The following MAP2K4 variants were observed in gnomAD, a reference collection of about 807,000 sequenced individuals.
The protein encoded by MAP2K4 is dual specificity mitogen-activated protein kinase kinase 4.
Under a neutral mutation model 48.5 loss-of-function variants are expected in MAP2K4, and 4 were observed. The ratio of observed to expected loss-of-function variants is 0.08; its 90% CI spans 0.04 to 0.19. The LOEUF (loss-of-function observed/expected upper bound fraction) is 0.19, where lower values mean the gene tolerates loss of function less well. MAP2K4 is among the 10% of genes least tolerant of loss of function. The probability of loss-of-function intolerance (pLI) is 1.00; values close to 1 mark genes in which losing one functional copy is unlikely to be tolerated. For synonymous variants in MAP2K4, 166 were observed against 173.1 expected (o/e 0.96, Z 0.32); for missense variants, 258 against 493.3 (o/e 0.52, Z 4.52).
intron 1 of MAP2K4, chr17:12,032,286 GA>G: frequency 2.8e-6 from 4 of 1,404,804 alleles, no homozygotes; most frequent in Non-Finnish European, 2.8e-6. Context: ...AAACTTCTGT[GA>G]AAAGGCACAA....
intron 1 of MAP2K4, among the ~76,000 whole-genome samples, chr17:12,025,726 G>A (rs751664930): frequency 2.1e-4 from 32 of 152,018 alleles, no homozygotes; most frequent in Non-Finnish European, 4.1e-4. Flanking sequence ...TAGAAAACAC[G>A]CCCAGTACTT....
chr17:12,095,835 T>G, intron 4 of MAP2K4, 141 bp downstream of exon 4: 7 of 1,046,464 alleles, frequency 6.7e-6, no homozygotes, highest in Non-Finnish European at 9.7e-6. Context: ...CCATGGTAAT[T>G]TACATATTAA....
Position 12,030,931 on chromosome 17 carries a change from C to G in MAP2K4, c.115+9930C>G, listed in dbSNP as rs554796215. 3.3e-5 allele frequency among the ~76,000 whole-genome samples: 5 copies of G among 152,244 alleles called. No homozygotes were observed. The South Asian group carries it at 1.0e-3, about 32-fold the overall frequency. On this transcript the variant is annotated intron_variant, in intron 1 of 10. Transcript: ENST00000353533. ...GACTTGCCTGCTACTTCCAGAGAAC[C>G]CTTTTCTTCCTGAATGTAGTCAGCT... is the stretch of plus-strand genomic sequence containing the variant.
At chr17:12,141,061 AGTTCTAT>A (rs1327591988) in intron 10 of MAP2K4, 79 bp from the exon 11 acceptor site, 5 of 783,094 alleles carry the variant, frequency 6.4e-6, no homozygotes, top group Non-Finnish European at 1.1e-5. Flanking sequence ...GGGAGCCTGG[AGTTCTAT>A]GTTCTATAGA....
chr17:12,060,731 G>A (rs1171616180), intron 2 of MAP2K4, among the ~76,000 whole-genome samples: 1 of 150,576 alleles, frequency 6.6e-6, no homozygotes, highest in Non-Finnish European at 1.5e-5. Flanking sequence ...ACTATGGGGT[G>A]TGTGTGTGTG....
At chr17:12,108,425 GGGGC>G (rs1319464451) in intron 5 of MAP2K4, among the ~76,000 whole-genome samples, 4 of 152,066 alleles carry the variant, frequency 2.6e-5, no homozygotes, top group Non-Finnish European at 5.9e-5. Context: ...AGCAGTTTCA[GGGGC>G]CAGTGTTACT....
intron 3 of MAP2K4, among the ~76,000 whole-genome samples, chr17:12,082,594 T>C (rs992409649): frequency 2.6e-5 from 4 of 152,234 alleles, no homozygotes; most frequent in African/African-American, 9.6e-5. Context: ...TAGAAGTCTG[T>C]TGTGAGCCAA....
chr17:12,084,300 A>G (rs1285106362), intron 3 of MAP2K4, among the ~76,000 whole-genome samples: 2 of 152,238 alleles, frequency 1.3e-5, no homozygotes, highest in African/African-American at 2.4e-5. Context: ...GTTTGAGGAC[A>G]GTCTCCCAAG....
At chr17:12,075,565 C>T (rs1173471935) in intron 2 of MAP2K4, among the ~76,000 whole-genome samples, 1 of 152,128 alleles carries the variant, frequency 6.6e-6, no homozygotes, top group Non-Finnish European at 1.5e-5. Flanking sequence ...CAGGAAGGCT[C>T]AGGGGCGCTA....
intron 3 of MAP2K4, among the ~76,000 whole-genome samples, chr17:12,085,473 C>T (rs558638781): frequency 1.3e-5 from 2 of 151,692 alleles, no homozygotes; most frequent in East Asian, 2.0e-4. Flanking sequence ...GTGCATAGGC[C>T]GGACTGAGTT....
At chr17:12,118,496 G>A (rs1481867858) in intron 7 of MAP2K4, among the ~76,000 whole-genome samples, 1 of 152,106 alleles carries the variant, frequency 6.6e-6, no homozygotes, top group African/African-American at 2.4e-5. Context: ...TTTTGTACCA[G>A]TGCCTTATGC....
intron 1 of MAP2K4, among the ~76,000 whole-genome samples, chr17:12,035,095 A>G (rs1363390949): frequency 6.6e-6 from 1 of 152,214 alleles, no homozygotes; most frequent in Non-Finnish European, 1.5e-5. Flanking sequence ...CTTCTTCTAA[A>G]TCTGGTCCTG....
chr17:12,127,384 G>C (rs1472599763), intron 8 of MAP2K4, among the ~76,000 whole-genome samples: 1 of 152,068 alleles, frequency 6.6e-6, no homozygotes, highest in East Asian at 1.9e-4. Context: ...TGCATACACA[G>C]GATATTTACA....
chr17:12,055,019 A>G (rs1278238979), intron 2 of MAP2K4, 28 bp downstream of exon 2: 1 of 1,385,800 alleles, frequency 7.2e-7, no homozygotes, highest in African/African-American at 1.4e-5. Flanking sequence ...TCAAAGGCTC[A>G]ACTCAAGCAA....
At chr17:12,124,239 A>T (rs1455112836) in intron 7 of MAP2K4, 1 of 152,230 alleles carries the variant, frequency 6.6e-6, no homozygotes, top group Non-Finnish European at 1.5e-5. Flanking sequence ...AGTTACTCTC[A>T]GACTTAGCGA....
At chr17:12,029,381 T>C (rs1969359420) in intron 1 of MAP2K4, among the ~76,000 whole-genome samples, 2 of 152,192 alleles carry the variant, frequency 1.3e-5, no homozygotes, top group Non-Finnish European at 2.9e-5. Context: ...AAGATTTAAT[T>C]AAACTTGCCT....
At chr17:12,101,143 T>G (rs969071233) in intron 4 of MAP2K4, among the ~76,000 whole-genome samples, 1 of 152,178 alleles carries the variant, frequency 6.6e-6, no homozygotes, top group Non-Finnish European at 1.5e-5. Context: ...TCAAGCTCAC[T>G]TAAGATTATC....
At chr17:12,027,516 A>G (rs1969293119) in intron 1 of MAP2K4, among the ~76,000 whole-genome samples, 1 of 152,126 alleles carries the variant, frequency 6.6e-6, no homozygotes, top group Admixed American at 6.5e-5. Flanking sequence ...AAATTGTTCA[A>G]ACATTTAAAA....
In MAP2K4 at chr17:12,141,421, C is replaced by T. The variant is rs1320294154; in HGVS notation, c.*161C>T. The T allele has an allele frequency of 1.4e-5, 9 of 630,028 alleles. No homozygotes were observed. The highest frequency in any genetic ancestry group is 2.0e-5 in the Non-Finnish European group (7 of 351,136). 39.0% of individuals were successfully genotyped at this position (630,028 alleles called of 1,614,324 possible). ...GTCTGTATACTCCTGTCACCTAGAA[C>T]GTGCATCCTTGTAATACCTGATTGA... On this transcript the variant is annotated 3_prime_UTR_variant, in exon 11 of 11. Transcript: ENST00000353533.
Sources: gnomAD v4.1 joint callset for allele counts (sites outside exome capture counted in the v4.1 genomes callset) on GRCh38, gnomAD v4.1.1 for gene constraint, MANE v1.5 for transcripts, NCBI Gene and HGNC (gene_info 2026-07-23, HGNC 2026-07-21) for gene names.